The following ALPK1 variants were observed in gnomAD, a reference collection of about 807,000 sequenced individuals.
ALPK1 encodes alpha-protein kinase 1.
A neutral mutation model predicts 120.6 loss-of-function variants in ALPK1; 110 were observed. That is an observed-to-expected ratio of 0.91 (90% CI 0.78 to 1.07). ALPK1 has a LOEUF of 1.07. ALPK1 is among the 50% of genes least tolerant of loss of function. The pLI is 0.00. For missense variants in ALPK1, 1,498 were observed against 1,483.9 expected (o/e 1.01, Z -0.16); for synonymous variants, 582 against 560.3 (o/e 1.04, Z -0.55).
At position 112,402,721 on chromosome 4, in the gene ALPK1, A is replaced by G. The variant is rs1053525465; in HGVS notation, c.277-9106A>G. Among the ~76,000 whole-genome samples, 23 of 152,206 alleles carry G rather than the reference A, an allele frequency of 1.5e-4. 1 individual carries two copies. The highest frequency in any genetic ancestry group is 1.2e-3 in the Admixed American group (19 of 15,284). On this transcript the variant is annotated intron_variant, in intron 4 of 15. Coordinates refer to ENST00000650871, the MANE Select transcript of ALPK1 (RefSeq NM_025144.4). Reference sequence around the variant, plus strand: ...CACATATTTTTATGTAAACATGATCACATAACAGGAAAAATACAATTTGGT... The same window carrying G: ...CACATATTTTTATGTAAACATGATCGCATAACAGGAAAAATACAATTTGGT...
chr4:112,344,456 T>C (rs1012090981), intron 2 of ALPK1, among the ~76,000 whole-genome samples: 2 of 152,202 alleles, frequency 1.3e-5, no homozygotes, highest in Non-Finnish European at 1.5e-5. Context: ...TGGATCAGGC[T>C]AGGTAGAAAT....
intron 2 of ALPK1, among the ~76,000 whole-genome samples, chr4:112,349,468 T>C (rs1730235982): frequency 1.3e-5 from 2 of 151,878 alleles, no homozygotes; most frequent in Admixed American, 6.6e-5. Flanking sequence ...TGCTAGGCAA[T>C]TTTTTTTGTG....
At chr4:112,337,138 AAAC>A (rs949323157) in intron 2 of ALPK1, among the ~76,000 whole-genome samples, 33 of 152,078 alleles carry the variant, frequency 2.2e-4, no homozygotes, top group Middle Eastern at 3.2e-3. Context: ...CTGACTTTTT[AAAC>A]AACAAGATTT....
At chr4:112,357,758 A>G in intron 2 of ALPK1, 7 of 1,212,002 alleles carry the variant, frequency 5.8e-6, no homozygotes, top group Admixed American at 1.7e-5. Flanking sequence ...GCTCTGGGCA[A>G]CATCGCCCGC....
At chr4:112,414,156 G>C (rs939862556) in intron 5 of ALPK1, 1 of 418,004 alleles carries the variant, frequency 2.4e-6, no homozygotes, top group Admixed American at 2.4e-5. Context: ...AGAAGTGAAA[G>C]AGATTATATA....
rs558566587 is a variant in ALPK1, at chr4:112,358,798, A to C, written c.-100-18880A>C. ...GCCAAGCTCTTCATGGTGGCCATGA[A>C]GTAGGAGCTGAGCCAAGCCAACTTT... On this transcript the variant is annotated intron_variant, in intron 2 of 15. Coordinates refer to ENST00000650871, the MANE Select transcript of ALPK1 (RefSeq NM_025144.4). 5.6e-4 allele frequency: 466 copies of C among 827,164 alleles called. 6 individuals carry two copies. The South Asian group carries it at 6.0e-3, about 11-fold the overall frequency. The allele number at this position is 827,164 out of a possible 1,614,324, so 51.2% of individuals were successfully genotyped here. A position where few individuals can be genotyped will look rare whatever the true frequency, so the allele number is the denominator to read the frequency against.
chr4:112,357,016 A>C (rs4834266), intron 2 of ALPK1: 661,379 of 787,860 alleles, frequency 0.84, 277,873 homozygotes, highest in East Asian at 0.89. Flanking sequence ...GCCAGCCCCA[A>C]CCGGAGTTCA....
intron 2 of ALPK1, among the ~76,000 whole-genome samples, chr4:112,324,194 G>T (rs1246351891): frequency 6.6e-6 from 1 of 152,122 alleles, no homozygotes; most frequent in Non-Finnish European, 1.5e-5. Context: ...GGGCATGGTG[G>T]CAGGCGCCTG....
At chr4:112,358,003 C>T (rs1209365882) in intron 2 of ALPK1, 9 of 649,498 alleles carry the variant, frequency 1.4e-5, no homozygotes, top group East Asian at 9.9e-5. Flanking sequence ...GAAACACTAG[C>T]GAGGGGCTGG....
rs551188638 is a variant in ALPK1 at position 112,305,397 on chromosome 4, C to T, written c.-153+7928C>T. ...CTATCCATGAGCATGGAATGTTCTT[C>T]CATTTGTTTGTGTCCTCTTTTATTT... On this transcript the variant is annotated intron_variant, in intron 1 of 15. Coordinates refer to ENST00000650871, the MANE Select transcript of ALPK1 (RefSeq NM_025144.4). 2.0e-3 allele frequency among the ~76,000 whole-genome samples: 306 copies of T among 151,992 alleles called. 4 individuals are homozygous for T. The highest frequency in any genetic ancestry group is 0.01 in the Admixed American group (158 of 15,286).
At chr4:112,368,761 T>C (rs576487329) in intron 2 of ALPK1, among the ~76,000 whole-genome samples, 9 of 152,292 alleles carry the variant, frequency 5.9e-5, no homozygotes, top group African/African-American at 1.9e-4. Flanking sequence ...CCACAGACAA[T>C]TTTCCTGGGA....
chr4:112,416,928 G>A (rs1404996850), intron 5 of ALPK1, among the ~76,000 whole-genome samples: 1 of 151,338 alleles, frequency 6.6e-6, no homozygotes, highest in African/African-American at 2.4e-5. Context: ...ACCTAGTGTG[G>A]TAAACTATAG....
In ALPK1 at chr4:112,431,206, G is replaced by GGAGACT; in HGVS notation, c.1669_1674dup (p.Thr557_Glu558dup). On this transcript the variant is annotated inframe_insertion, in exon 11 of 16. Transcript: ENST00000650871. ...TTCGAGTCTCCTTGGATCAAGATGT[G>GGAGACT]GAGACTGAGACTGAGCCATCGGACT... is the stretch of plus-strand genomic sequence containing the variant. 6.2e-7 allele frequency: 1 copy of GGAGACT among 1,614,132 alleles called. No homozygotes were observed. Among genetic ancestry groups the GGAGACT allele is most frequent in the Non-Finnish European group, 8.5e-7 (1 of 1,180,022 alleles).
chr4:112,304,889 C>T (rs909426344), intron 1 of ALPK1, among the ~76,000 whole-genome samples: 23 of 152,044 alleles, frequency 1.5e-4, no homozygotes, highest in African/African-American at 5.1e-4. Context: ...TTAGGTCTAA[C>T]GTTTAAGTCT....
At chr4:112,356,133 A>G (rs1485233953) in intron 2 of ALPK1, 1 of 1,585,294 alleles carries the variant, frequency 6.3e-7, no homozygotes, top group Non-Finnish European at 8.7e-7. Flanking sequence ...GAACAGGCTG[A>G]TATGCCCAAG....
intron 2 of ALPK1, among the ~76,000 whole-genome samples, chr4:112,319,215 G>C (rs10013196): frequency 0.047 from 7,103 of 152,224 alleles, 493 homozygotes; most frequent in African/African-American, 0.15. Context: ...ATACTTATGA[G>C]GTGAGGTTGG....
chr4:112,371,672 A>G (rs868053640), intron 2 of ALPK1, among the ~76,000 whole-genome samples: 1 of 152,222 alleles, frequency 6.6e-6, no homozygotes, highest in Admixed American at 6.5e-5. Context: ...CATCACTTAG[A>G]CAAAAGGAAG....
intron 2 of ALPK1, among the ~76,000 whole-genome samples, chr4:112,345,056 G>A (rs1451739022): frequency 1.3e-5 from 2 of 152,138 alleles, no homozygotes; most frequent in East Asian, 3.8e-4. Context: ...TTTTAATTCT[G>A]TAGAAAGTAG....
At chr4:112,373,078 A>G (rs1416585124) in intron 2 of ALPK1, among the ~76,000 whole-genome samples, 1 of 152,250 alleles carries the variant, frequency 6.6e-6, no homozygotes, top group Non-Finnish European at 1.5e-5. Context: ...TCTCCAACTT[A>G]TCTGCAGCTC....
Sources: allele counts gnomAD v4.1 joint callset (sites outside exome capture counted in the v4.1 genomes callset), GRCh38; gene constraint gnomAD v4.1.1; transcripts MANE v1.5; gene names NCBI Gene and HGNC (gene_info 2026-07-23, HGNC 2026-07-21).